Variants in NOL7 observed in about 807,000 individuals in gnomAD.
The protein encoded by NOL7 is U3 small nucleolar RNA-associated protein NOL7.
In NOL7, 36 loss-of-function variants were observed where a neutral mutation model predicts 38.4. The observed-to-expected ratio is 0.94, with a 90% CI of 0.72 to 1.24. The LOEUF (loss-of-function observed/expected upper bound fraction) is 1.24. Ranked by LOEUF, NOL7 falls within the 50% of genes most tolerant of loss-of-function variation. NOL7 has a pLI of 0.00. For missense variants in NOL7, 350 were observed against 315.1 expected (o/e 1.11, Z -0.84); for synonymous variants, 142 against 126.5 (o/e 1.12, Z -0.82).
intron 3 of NOL7, 151 bp from the exon 4 acceptor site, chr6:13,617,619 C>T (rs1462561958): frequency 1.5e-6 from 1 of 679,536 alleles, no homozygotes; most frequent in African/African-American, 1.8e-5. Context: ...GTGACTATTG[C>T]TTTCCAAACT....
At chr6:13,630,292 G>A (rs928793267) in intron 8 of NOL7, among the ~76,000 whole-genome samples, 5 of 152,138 alleles carry the variant, frequency 3.3e-5, no homozygotes, top group Admixed American at 1.3e-4. Context: ...TTTAAATAAA[G>A]ATGATACATC....
At position 13,631,656 on chromosome 6, in the gene NOL7, G is replaced by T; in HGVS notation, n.574-737G>T. On this transcript the variant is annotated intron_variant and non_coding_transcript_variant, in intron 8 of 8. Coordinates refer to the NOL7 transcript ENST00000474485. ...TGCATTCATCTCCCCTTTAATTTCA[G>T]TCTTCTTCCAAAATATTCAGAAGAA... Among the ~76,000 whole-genome samples the T allele has an allele frequency of 1.3e-5, 2 of 152,110 alleles. 1 individual carries two copies. The highest frequency in any genetic ancestry group is 1.3e-4 in the Admixed American group (2 of 15,276).
chr6:13,625,573 G>C (rs1764578920), downstream of NOL7: 1 of 875,400 alleles, frequency 1.1e-6, no homozygotes, highest in Non-Finnish European at 1.8e-6. Context: ...TTTTACCAAA[G>C]TGTAAATGCC....
chr6:13,619,022 A>G (rs1226071934), intron 5 of NOL7, among the ~76,000 whole-genome samples: 3 of 152,202 alleles, frequency 2.0e-5, no homozygotes, highest in African/African-American at 4.8e-5. Context: ...CACCTCTCCC[A>G]ATAGATAGAT....
exon 9 of NOL7, chr6:13,632,400 G>T: frequency 6.2e-7 from 1 of 1,612,546 alleles, no homozygotes; most frequent in South Asian, 1.1e-5. Flanking sequence ...CAGTGTTCTT[G>T]CCACAGTCTC....
intron 8 of NOL7, among the ~76,000 whole-genome samples, chr6:13,627,769 T>C (rs1431368450): frequency 6.6e-6 from 1 of 152,122 alleles, no homozygotes; most frequent in Non-Finnish European, 1.5e-5. Context: ...CTGAACAATT[T>C]TTCCAAGGAA....
chr6:13,620,538 G>A, intron 7 of NOL7, 53 bp downstream of exon 7: 3 of 1,512,956 alleles, frequency 2.0e-6, no homozygotes, highest in South Asian at 2.3e-5. Context: ...GTTGAATAAT[G>A]TTCTTTTGAA....
In NOL7 at chr6:13,620,289, A is replaced by ACATAATTCATTATATGGGCCAGGAAC; in HGVS notation, c.585_610dup (p.Asn204IlefsTer14). 6.2e-7 allele frequency: 1 copy of ACATAATTCATTATATGGGCCAGGAAC among 1,614,246 alleles called. No individual in the cohort carries two copies. The highest frequency in any genetic ancestry group is 1.1e-5 in the South Asian group (1 of 91,084). ...GGCAACAAGCAGCACAAGCCTTCATACATAATTCATTATATGGGCCAGGAA... is the reference window on the plus strand; with the variant it reads ...GGCAACAAGCAGCACAAGCCTTCATACATAATTCATTATATGGGCCAGGAACCATAATTCATTATATGGGCCAGGAA... On this transcript the variant is annotated frameshift_variant, in exon 6 of 8. Transcript: ENST00000451315. LOFTEE classifies it high-confidence loss of function.
downstream of NOL7, among the ~76,000 whole-genome samples, chr6:13,625,346 AATCTCTCATTCTAATGAG>A (rs922039263): frequency 3.9e-5 from 6 of 152,122 alleles, no homozygotes; most frequent in African/African-American, 1.4e-4. Context: ...AGGACCACCA[AATCTCTCATTCTAATGAG>A]AGAAGTAGAC....
chr6:13,625,569 C>T, downstream of NOL7: 33 of 808,826 alleles, frequency 4.1e-5, no homozygotes, highest in South Asian at 1.5e-4. Context: ...ATGATTTTAC[C>T]AAAGTGTAAA....
In NOL7 at chr6:13,620,741, C is replaced by A; in HGVS notation, c.701-13C>A. The A allele has an allele frequency of 1.3e-6, 2 of 1,554,836 alleles. No individual in the cohort carries two copies. The highest frequency in any genetic ancestry group is 3.8e-5 in the Admixed American group (2 of 53,014). On this transcript the variant is annotated splice_polypyrimidine_tract_variant and intron_variant, in intron 7 of 7. Transcript: ENST00000451315. Reference sequence around the variant, plus strand: ...TTTCTAATATACTTACTGCAGAAAACTTTATATTCTAGGAATCCAAAAAAA... The same window carrying A: ...TTTCTAATATACTTACTGCAGAAAAATTTATATTCTAGGAATCCAAAAAAA...
chr6:13,621,499 CTG>C lies in NOL7; in HGVS notation c.*674_*675del, dbSNP rs1298052107. The C allele has an allele frequency of 5.2e-5, 8 of 152,586 alleles. No homozygotes were observed. Among genetic ancestry groups the C allele is most frequent in the Non-Finnish European group, 1.0e-4 (7 of 68,036 alleles). The allele number at this position is 152,586 out of a possible 1,614,324, so 9.5% of individuals were successfully genotyped here. On this transcript the variant is annotated 3_prime_UTR_variant, in exon 8 of 8. Transcript: ENST00000451315. ...TATATAAACTCAATTGACACTGTATCTGTAGAAGTAAATTTTTAATGGCTGGT... is the reference window on the plus strand; with the variant it reads ...TATATAAACTCAATTGACACTGTATCTAGAAGTAAATTTTTAATGGCTGGT...
chr6:13,625,066 T>G (rs1415454653), downstream of NOL7, among the ~76,000 whole-genome samples: 1 of 152,208 alleles, frequency 6.6e-6, no homozygotes, highest in East Asian at 1.9e-4. Flanking sequence ...TCTCTGATAT[T>G]CAAGCTCTTC....
chr6:13,620,282 C>G lies in NOL7; in HGVS notation c.575C>G (p.Ala192Gly). ...GATTCAAGGCAACAAGCAGCACAAG[C>G]CTTCATACATAATTCATTATATGGG... Reference protein sequence around the residue: ...LRDSRQQAAQAFIHNSLYGPG... With the variant: ...LRDSRQQAAQGFIHNSLYGPG... The change falls in exon 6 of 8, where the codon GCC (alanine) becomes GGC (glycine). Residue 192 changes from alanine to glycine, a missense_variant. By Grantham distance (60) the Ala-to-Gly change is moderately conservative. Transcript: ENST00000451315. 2 of 1,614,188 alleles carry G rather than the reference C, an allele frequency of 1.2e-6. No individual in the cohort carries two copies. Among genetic ancestry groups the G allele is most frequent in the African/African-American group, 2.7e-5 (2 of 75,054 alleles).
At chr6:13,632,337 T>A in intron 8 of NOL7, 1 of 1,597,880 alleles carries the variant, frequency 6.3e-7, no homozygotes, top group South Asian at 1.1e-5. Context: ...TCCTCTGACA[T>A]ATTCATAATT....
intron 5 of NOL7, 92 bp from the exon 6 acceptor site, chr6:13,620,116 C>A: frequency 7.1e-7 from 1 of 1,413,506 alleles, no homozygotes; most frequent in Non-Finnish European, 9.5e-7. Flanking sequence ...ATCGCGCAGC[C>A]TGGGTGACAG....
downstream of NOL7, chr6:13,625,504 G>A (rs1198112256): frequency 4.4e-6 from 2 of 456,470 alleles, no homozygotes; most frequent in African/African-American, 1.9e-5. Flanking sequence ...TAAAGGAGGG[G>A]GTTTCTATAT....
chr6:13,615,470 G>C lies in NOL7; in HGVS notation c.112G>C (p.Gly38Arg), dbSNP rs1417300610. ...EEEAEHGLLL[G>R]QPSSGAAAEP... ...GGAGGCGGAGCACGGGCTGTTGCTCGGGCAGCCCAGCAGCGGCGCGGCCGC... is the reference window on the plus strand; with the variant it reads ...GGAGGCGGAGCACGGGCTGTTGCTCCGGCAGCCCAGCAGCGGCGCGGCCGC... The change falls in exon 1 of 8, where the codon GGG (glycine) becomes CGG (arginine). Residue 38 changes from glycine (G) to arginine (R), a missense_variant. Gly to Arg is a moderately radical substitution (Grantham distance 125). Transcript: ENST00000451315. 2.6e-6 allele frequency: 4 copies of C among 1,550,878 alleles called. No homozygotes were observed. Among genetic ancestry groups the C allele is most frequent in the Admixed American group, 2.0e-5 (1 of 51,018 alleles).
chr6:13,617,748 T>C (rs1179974108), intron 3 of NOL7, 22 bp from the exon 4 acceptor site: 2 of 1,612,206 alleles, frequency 1.2e-6, no homozygotes, highest in Admixed American at 3.3e-5. Flanking sequence ...TTGCAGTCAG[T>C]GGTTTTGTTT....
Sources: allele counts gnomAD v4.1 joint callset (sites outside exome capture counted in the v4.1 genomes callset), GRCh38; gene constraint gnomAD v4.1.1; transcripts MANE v1.5; gene names NCBI Gene and HGNC (gene_info 2026-07-23, HGNC 2026-07-21).